PHYHIPL: variants seen among roughly 807,000 people sequenced by gnomAD.
The protein encoded by PHYHIPL is phytanoyl-CoA 2-hydroxylase interacting protein like, also known as phytanoyl-CoA hydroxylase-interacting protein-like.
In PHYHIPL, 9 loss-of-function variants were observed where a neutral mutation model predicts 33.4. The observed-to-expected ratio is 0.27, with a 90% CI of 0.16 to 0.47. The LOEUF (loss-of-function observed/expected upper bound fraction) is 0.47, where lower values mean the gene tolerates loss of function less well. Among genes scored for constraint, PHYHIPL ranks in the 20% least tolerant of loss-of-function variants. PHYHIPL has a pLI of 0.99. For missense variants in PHYHIPL, 365 were observed against 460.7 expected (o/e 0.79, Z 1.90); for synonymous variants, 153 against 154.1 (o/e 0.99, Z 0.05).
rs559036227 is a variant in PHYHIPL at position 59,229,799 on chromosome 10, GTGGT to G, written c.107-4502_107-4499del. Among the ~76,000 whole-genome samples, 17 of 152,334 alleles carry G rather than the reference GTGGT, an allele frequency of 1.1e-4. No homozygotes were observed. In the South Asian group the frequency reaches 3.1e-3, roughly 28 times the overall value. On this transcript the variant is annotated intron_variant, in intron 1 of 4. Transcript: ENST00000373880. Reference sequence around the variant, plus strand: ...AGTTTGAACACTCAGCAGTGTGTGAGTGGTTGAAGTATGGCTGCTGGGACTGGCC... The same window carrying G: ...AGTTTGAACACTCAGCAGTGTGTGAGTGAAGTATGGCTGCTGGGACTGGCC...
In PHYHIPL at chr10:59,219,625, A is replaced by G. The variant is rs1839708438; in HGVS notation, c.107-14679A>G. Among the ~76,000 whole-genome samples the G allele has an allele frequency of 1.3e-5, 2 of 152,090 alleles. 1 individual carries two copies. The highest frequency in any genetic ancestry group is 4.1e-4 in the South Asian group (2 of 4,830). The stretch of plus-strand genomic sequence containing the variant: ...AGTTTTAGACTTGATAATTGATGTT[A>G]TTTTATTTTATGCAAGTACCTTTAT... On this transcript the variant is annotated intron_variant, in intron 1 of 4. Coordinates refer to ENST00000373880, the MANE Select transcript of PHYHIPL (RefSeq NM_032439.4).
chr10:59,241,557 A>ACCTCTGGTGT (rs1162148869), intron 4 of PHYHIPL, among the ~76,000 whole-genome samples: 1 of 152,078 alleles, frequency 6.6e-6, no homozygotes, highest in Non-Finnish European at 1.5e-5. Context: ...GAATTCCTCT[A>ACCTCTGGTGT]CCTCTGGTGT....
chr10:59,186,555 G>A lies in PHYHIPL; in HGVS notation c.106+9596G>A, dbSNP rs559368892. 1.1e-3 allele frequency among the ~76,000 whole-genome samples: 173 copies of A among 152,234 alleles called. 4 individuals are homozygous for A. In the East Asian group the frequency reaches 0.03, roughly 27 times the overall value. ...GCATTGAATCTATAAATTACCTTGG[G>A]CAGTATGGCCATTTTCACGATATTG... On this transcript the variant is annotated intron_variant, in intron 1 of 4. Transcript: ENST00000373880.
chr10:59,189,723 T>C (rs2133197282), intron 1 of PHYHIPL, among the ~76,000 whole-genome samples: 1 of 152,050 alleles, frequency 6.6e-6, no homozygotes, highest in East Asian at 1.9e-4. Context: ...AATACTATAA[T>C]GGAGTATAGA....
intron 1 of PHYHIPL, among the ~76,000 whole-genome samples, chr10:59,197,014 C>T (rs1838941445): frequency 6.6e-6 from 1 of 152,132 alleles, no homozygotes; most frequent in African/African-American, 2.4e-5. Context: ...TATATGAAAT[C>T]TCAATCTAGG....
intron 1 of PHYHIPL, among the ~76,000 whole-genome samples, chr10:59,227,875 A>G (rs1160365727): frequency 6.6e-6 from 1 of 151,630 alleles, no homozygotes; most frequent in African/African-American, 2.4e-5. Flanking sequence ...ACAGGTTTTG[A>G]TCTGTTTTGA....
At chr10:59,189,753 A>G (rs996779483) in intron 1 of PHYHIPL, among the ~76,000 whole-genome samples, 1 of 152,038 alleles carries the variant, frequency 6.6e-6, no homozygotes, top group Non-Finnish European at 1.5e-5. Context: ...GGTTATTTCT[A>G]TCTTGAGTCT....
At chr10:59,219,872 T>G (rs1683187347) in intron 1 of PHYHIPL, among the ~76,000 whole-genome samples, 1 of 152,152 alleles carries the variant, frequency 6.6e-6, no homozygotes, top group Non-Finnish European at 1.5e-5. Flanking sequence ...TACATGGTAT[T>G]AAACACAAAA....
intron 1 of PHYHIPL, among the ~76,000 whole-genome samples, chr10:59,180,330 A>ATATATAGAAAAAG (rs1443915409): frequency 6.8e-5 from 4 of 58,882 alleles, no homozygotes; most frequent in African/African-American, 1.7e-4. Flanking sequence ...ATATATATAT[A>ATATATAGAAAAAG]TATATATATA....
intron 1 of PHYHIPL, among the ~76,000 whole-genome samples, chr10:59,214,706 C>T (rs1839561850): frequency 6.6e-6 from 1 of 152,106 alleles, no homozygotes; most frequent in South Asian, 2.1e-4. Flanking sequence ...ATTGGTGGAA[C>T]TCATGATGAG....
chr10:59,244,819 A>T (rs1840590029), intron 4 of PHYHIPL, among the ~76,000 whole-genome samples: 1 of 152,120 alleles, frequency 6.6e-6, no homozygotes, highest in Non-Finnish European at 1.5e-5. Flanking sequence ...TTACATTATT[A>T]TGTTAATTTA....
At chr10:59,243,008 T>C (rs1191980532) in intron 4 of PHYHIPL, among the ~76,000 whole-genome samples, 1 of 152,012 alleles carries the variant, frequency 6.6e-6, no homozygotes, top group Non-Finnish European at 1.5e-5. Context: ...ATAGCCGAAA[T>C]GTTCCCAAAT....
At chr10:59,217,350 G>A (rs1036885345) in intron 1 of PHYHIPL, among the ~76,000 whole-genome samples, 2 of 151,962 alleles carry the variant, frequency 1.3e-5, no homozygotes, top group Non-Finnish European at 2.9e-5. Flanking sequence ...GTGTTTAAAA[G>A]CATATTTGAT....
At chr10:59,195,267 G>T (rs545581443) in intron 1 of PHYHIPL, among the ~76,000 whole-genome samples, 1 of 152,118 alleles carries the variant, frequency 6.6e-6, no homozygotes, top group Non-Finnish European at 1.5e-5. Context: ...CTCATCTTAG[G>T]TTCATGGCTG....
At chr10:59,191,927 A>T (rs1838794319) in intron 1 of PHYHIPL, among the ~76,000 whole-genome samples, 1 of 152,110 alleles carries the variant, frequency 6.6e-6, no homozygotes, top group Non-Finnish European at 1.5e-5. Flanking sequence ...AGAAATATGC[A>T]AATTTCATAG....
chr10:59,200,370 C>A (rs759543875), intron 1 of PHYHIPL, among the ~76,000 whole-genome samples: 10 of 152,102 alleles, frequency 6.6e-5, no homozygotes, highest in Admixed American at 2.0e-4. Flanking sequence ...TATTGATTTG[C>A]GTATGTTAAA....
chr10:59,206,087 G>A (rs1403688233), intron 1 of PHYHIPL, among the ~76,000 whole-genome samples: 1 of 152,098 alleles, frequency 6.6e-6, no homozygotes, highest in Non-Finnish European at 1.5e-5. Context: ...TCTATCTCTA[G>A]CAATTGAATC....
At chr10:59,234,106 T>A (rs780321938) in intron 1 of PHYHIPL, among the ~76,000 whole-genome samples, 198 bp from the exon 2 acceptor site, 1 of 151,786 alleles carries the variant, frequency 6.6e-6, no homozygotes, top group Non-Finnish European at 1.5e-5. Context: ...AAAACTAACA[T>A]GTCATAGATT....
At position 59,224,459 on chromosome 10, in the gene PHYHIPL, A is replaced by ACAAAACAAAC. The variant is rs1476756521; in HGVS notation, c.107-9836_107-9835insCCAAAACAAA. 3.7e-5 allele frequency among the ~76,000 whole-genome samples: 5 copies of ACAAAACAAAC among 134,736 alleles called. No individual in the cohort carries two copies. The East Asian group carries it at 8.2e-4, about 22-fold the overall frequency. The allele number at this position is 134,736 out of a possible 152,430, so 88.4% of individuals were successfully genotyped here. A position where few individuals can be genotyped will look rare whatever the true frequency, so the allele number is the denominator to read the frequency against. On this transcript the variant is annotated intron_variant, in intron 1 of 4. Coordinates refer to ENST00000373880, the MANE Select transcript of PHYHIPL (RefSeq NM_032439.4). ...AAGAGTGAGACCCTGTCTCAAGGAAACAAAACAAAACAAAACAAAACAAAA... is the reference window on the plus strand; with the variant it reads ...AAGAGTGAGACCCTGTCTCAAGGAAACAAAACAAACCAAAACAAAACAAAACAAAACAAAA...
Sources: allele counts gnomAD v4.1 joint callset (sites outside exome capture counted in the v4.1 genomes callset), GRCh38; gene constraint gnomAD v4.1.1; transcripts MANE v1.5; gene names NCBI Gene and HGNC (gene_info 2026-07-23, HGNC 2026-07-21).